Variants in TFB1M observed in about 807,000 individuals in gnomAD.
The protein encoded by TFB1M is dimethyladenosine transferase 1, mitochondrial.
A neutral mutation model predicts 31.1 loss-of-function variants in TFB1M; 27 were observed. The observed-to-expected ratio is 0.87, with a 90% CI of 0.64 to 1.20. TFB1M has a LOEUF of 1.20. Among genes scored for constraint, TFB1M ranks in the 50% most tolerant of loss-of-function variants. The probability of loss-of-function intolerance (pLI) is 0.00; values close to 1 mark genes in which losing one functional copy is unlikely to be tolerated. For missense variants in TFB1M, 394 were observed against 418.7 expected (o/e 0.94, Z 0.51); for synonymous variants, 166 against 151.8 (o/e 1.09, Z -0.69).
chr6:155,244,642 C>A, the TFB1M span: 1 of 1,612,746 alleles, frequency 6.2e-7, no homozygotes, highest in Non-Finnish European at 8.5e-7. Flanking sequence ...CATTTCAAAT[C>A]CTGATCTTCA....
At position 155,314,463 on chromosome 6, in the gene TFB1M, C is replaced by G. The variant is rs541541502; in HGVS notation, c.-35G>C. ...CAAGCACCATCCAACCCTACCTCAC[C>G]CAGGACCTTCACCGCCGCTCCGAAA... is the stretch of plus-strand genomic sequence containing the variant. On this transcript the variant is annotated 5_prime_UTR_variant, in exon 1 of 7. Transcript: ENST00000367166. 6.2e-7 allele frequency: 1 copy of G among 1,613,210 alleles called. No homozygotes were observed. Among genetic ancestry groups the G allele is most frequent in the South Asian group, 1.1e-5 (1 of 91,050 alleles).
intron 2 of TFB1M, chr6:155,303,498 T>G (rs1049065651): frequency 6.6e-6 from 1 of 152,252 alleles, no homozygotes; most frequent in South Asian, 2.1e-4. Context: ...AAAAGTCACT[T>G]TGGCTGTAAG....
chr6:155,312,902 G>T (rs936007779), intron 1 of TFB1M, among the ~76,000 whole-genome samples: 1 of 151,986 alleles, frequency 6.6e-6, no homozygotes, highest in Admixed American at 6.6e-5. Context: ...TAGAACCAAA[G>T]AATTTTAGAG....
At chr6:155,239,936 A>C in the TFB1M span, among the ~76,000 whole-genome samples, 1 of 151,782 alleles carries the variant, frequency 6.6e-6, no homozygotes, top group Non-Finnish European at 1.5e-5. Context: ...CTCCATTACT[A>C]GCATGTGCAC....
rs201661997 is a variant in TFB1M at position 155,275,979 on chromosome 6, C to T, written c.666+9179G>A. ...GCTGCGAGAGCCACCATGGTCCTGG[C>T]GTGTGTTCTGTCTGCTTTGGGGATC... On this transcript the variant is annotated intron_variant, in intron 5 of 6. Transcript: ENST00000367166. The T allele has an allele frequency of 1.6e-4, 253 of 1,614,052 alleles. 1 individual carries two copies. Among genetic ancestry groups the T allele is most frequent in the Non-Finnish European group, 1.9e-4 (226 of 1,180,048 alleles).
In TFB1M at chr6:155,276,186, A is replaced by G. The variant is rs1436649813; in HGVS notation, c.666+8972T>C. 5.0e-6 allele frequency: 8 copies of G among 1,614,046 alleles called. No homozygotes were observed. The African/African-American group carries it at 1.1e-4, about 22-fold the overall frequency. Reference sequence around the variant, plus strand: ...CTGGATCTGACAGTTCCAGAAAGCAACAAACATGAACCTGGAGGAGCTATC... The same window carrying G: ...CTGGATCTGACAGTTCCAGAAAGCAGCAAACATGAACCTGGAGGAGCTATC... On this transcript the variant is annotated intron_variant, in intron 5 of 6. Coordinates refer to ENST00000367166, the MANE Select transcript of TFB1M (RefSeq NM_016020.4).
the TFB1M span, among the ~76,000 whole-genome samples, chr6:155,240,293 G>A: frequency 6.6e-6 from 1 of 152,260 alleles, no homozygotes; most frequent in African/African-American, 2.4e-5. Context: ...AACAGCTGAT[G>A]TGACAATGGA....
intron 2 of TFB1M, among the ~76,000 whole-genome samples, chr6:155,303,809 T>C (rs1359960204): frequency 6.6e-6 from 1 of 152,214 alleles, no homozygotes; most frequent in African/African-American, 2.4e-5. Context: ...TTTACATCCA[T>C]TTCTATCCAT....
At chr6:155,303,083 T>C (rs966202052) in intron 2 of TFB1M, 1 of 152,256 alleles carries the variant, frequency 6.6e-6, no homozygotes, top group Non-Finnish European at 1.5e-5. Context: ...CACATAATAA[T>C]TGTGTGTTCT....
chr6:155,247,508 T>C, the TFB1M span, among the ~76,000 whole-genome samples: 1 of 152,098 alleles, frequency 6.6e-6, no homozygotes, highest in African/African-American at 2.4e-5. Flanking sequence ...TTTGTATTTT[T>C]AGTAGAGACG....
chr6:155,265,946 A>G (rs1364388926), intron 5 of TFB1M, among the ~76,000 whole-genome samples: 1 of 151,880 alleles, frequency 6.6e-6, no homozygotes, highest in East Asian at 1.9e-4. Context: ...CCAGCACGTG[A>G]GAAAAGATGT....
At position 155,285,287 on chromosome 6, in the gene TFB1M, G is replaced by C. The variant is rs779283561; in HGVS notation, c.547-10C>G. ...TATTGGCTGCAAGTCTCTAGAGAGA[G>C]ACAAAAATGAATTTTAGCAAATAAT... On this transcript the variant is annotated splice_polypyrimidine_tract_variant and intron_variant, in intron 4 of 6. Coordinates refer to ENST00000367166, the MANE Select transcript of TFB1M (RefSeq NM_016020.4). 18 of 1,613,484 alleles carry C rather than the reference G, an allele frequency of 1.1e-5. No homozygotes were observed. The South Asian group carries it at 1.6e-4, about 15-fold the overall frequency.
chr6:155,291,785 AG>A (rs1422661371), intron 4 of TFB1M, among the ~76,000 whole-genome samples: 1 of 152,222 alleles, frequency 6.6e-6, no homozygotes, highest in African/African-American at 2.4e-5. Context: ...GGAGCAGATA[AG>A]GCAAAAGTGC....
intron 1 of TFB1M, chr6:155,313,282 G>T (rs1462491357): frequency 1.3e-5 from 2 of 151,632 alleles, no homozygotes; most frequent in African/African-American, 4.8e-5. Flanking sequence ...GAAAACTTGA[G>T]TTAAATTATT....
At chr6:155,244,076 T>A in the TFB1M span, 2 of 1,614,002 alleles carry the variant, frequency 1.2e-6, no homozygotes, top group Non-Finnish European at 8.5e-7. Context: ...TTACCCAAGA[T>A]GAGGTAAATA....
intron 2 of TFB1M, among the ~76,000 whole-genome samples, chr6:155,304,673 A>C (rs1046731113): frequency 3.3e-5 from 5 of 152,180 alleles, no homozygotes; most frequent in Admixed American, 3.3e-4. Context: ...GGATGAAAAA[A>C]GATTTGTCAG....
chr6:155,262,486 G>C (rs6924112), intron 5 of TFB1M, among the ~76,000 whole-genome samples: 79,254 of 151,802 alleles, frequency 0.52, 21,664 homozygotes, highest in East Asian at 0.98. Flanking sequence ...CCTGCCTCCC[G>C]TTCTCCAGGA....
At chr6:155,297,233 ATT>A (rs1028637802) in intron 3 of TFB1M, 129 bp from the exon 4 acceptor site, 1 of 952,154 alleles carries the variant, frequency 1.1e-6, no homozygotes, top group Non-Finnish European at 1.5e-6. Context: ...ACATGGCTAA[ATT>A]TTTTTTTTCA....
chr6:155,269,478 C>T (rs544934500), intron 5 of TFB1M, among the ~76,000 whole-genome samples: 74 of 152,084 alleles, frequency 4.9e-4, no homozygotes, highest in African/African-American at 1.7e-3. Flanking sequence ...TGTGCCACTA[C>T]GCCTGGCTAA....
Sources: gnomAD v4.1 joint callset for allele counts (sites outside exome capture counted in the v4.1 genomes callset) on GRCh38, gnomAD v4.1.1 for gene constraint, MANE v1.5 for transcripts, NCBI Gene and HGNC (gene_info 2026-07-23, HGNC 2026-07-21) for gene names.